The following FBRSL1 variants were observed in gnomAD, a reference collection of about 807,000 sequenced individuals.
FBRSL1 encodes fibrosin-1-like protein.
Under a neutral mutation model 89.6 loss-of-function variants are expected in FBRSL1, and 51 were observed. The observed-to-expected ratio is 0.57, with a 90% CI of 0.45 to 0.72. The LOEUF (loss-of-function observed/expected upper bound fraction) is 0.72, where lower values mean the gene tolerates loss of function less well. Among genes scored for constraint, FBRSL1 ranks in the 30% least tolerant of loss-of-function variants. FBRSL1 has a pLI of 0.00. For synonymous variants in FBRSL1, 779 were observed against 681.1 expected (o/e 1.14, Z -2.24); for missense variants, 1,618 against 1,451.8 (o/e 1.11, Z -1.86).
At chr12:132,544,047 G>A (rs1330096415) in intron 4 of FBRSL1, among the ~76,000 whole-genome samples, 1 of 152,206 alleles carries the variant, frequency 6.6e-6, no homozygotes. Context: ...TGGGCAGGAG[G>A]AAGGAACAGA....
At position 132,574,402 on chromosome 12, in the gene FBRSL1, G is replaced by A. The variant is rs772950753; in HGVS notation, c.1629+54G>A. 107 of 1,548,966 alleles carry A rather than the reference G, an allele frequency of 6.9e-5. No individual in the cohort carries two copies. Among genetic ancestry groups the A allele is most frequent in the Admixed American group, 2.0e-4 (10 of 50,740 alleles). ...AAGGGAGGACTCTGGTGCCCCCGGG[G>A]CGGCCTCGGGGGGCCCGTGACAGCA... On this transcript the variant is annotated intron_variant, in intron 13 of 18. Transcript: ENST00000680143.
rs558177825 is a variant in FBRSL1 at position 132,521,883 on chromosome 12, G to A, written c.490-3851G>A. On this transcript the variant is annotated intron_variant, in intron 2 of 18. Transcript: ENST00000680143. ...GCCTCTTGGGTGCTCCACTTTGGGC[G>A]GGGCCTGCGCAGGACAGTGCGTGCT... Among the ~76,000 whole-genome samples, 9 of 152,344 alleles carry A rather than the reference G, an allele frequency of 5.9e-5. No homozygotes were observed. The East Asian group carries it at 9.6e-4, about 16-fold the overall frequency.
chr12:132,549,896 G>C (rs1250712784), intron 5 of FBRSL1, among the ~76,000 whole-genome samples: 1 of 152,234 alleles, frequency 6.6e-6, no homozygotes, highest in African/African-American at 2.4e-5. Context: ...GCTGAAAGAG[G>C]GTTCTAGAAT....
chr12:132,551,678 G>A (rs1356860884), intron 5 of FBRSL1: 8 of 427,252 alleles, frequency 1.9e-5, no homozygotes, highest in Non-Finnish European at 2.4e-5. Context: ...CAGACTGACC[G>A]AGACACCTCT....
chr12:132,550,563 G>A (rs542430581), intron 5 of FBRSL1, among the ~76,000 whole-genome samples: 41 of 152,282 alleles, frequency 2.7e-4, no homozygotes, highest in Admixed American at 4.6e-4. Flanking sequence ...CAGCCTGTCC[G>A]TCTGTGTGAC....
intron 4 of FBRSL1, among the ~76,000 whole-genome samples, chr12:132,529,813 C>T (rs552074081): frequency 1.6e-4 from 24 of 150,706 alleles, no homozygotes; most frequent in Admixed American, 7.3e-4. Flanking sequence ...CTGGTTTGGC[C>T]CAGAGTCCGT....
Position 132,571,065 on chromosome 12 carries a change from T to C in FBRSL1, c.1214-3T>C. 1 of 1,342,622 alleles carries C rather than the reference T, an allele frequency of 7.4e-7. No individual in the cohort carries two copies. 83.2% of individuals were successfully genotyped at this position (1,342,622 alleles called of 1,614,324 possible). On this transcript the variant is annotated splice_polypyrimidine_tract_variant and splice_region_variant and intron_variant, in intron 8 of 18. Transcript: ENST00000680143. ...GGCTCACCGTGTTCTCTCTTGCCTC[T>C]AGATGCCAGCCTGGCGGTCTCATTC... is the stretch of plus-strand genomic sequence containing the variant.
At chr12:132,533,091 A>G (rs531303508) in intron 4 of FBRSL1, among the ~76,000 whole-genome samples, 40 of 142,510 alleles carry the variant, frequency 2.8e-4, no homozygotes, top group Admixed American at 1.3e-3. Context: ...GTCTCCTCCC[A>G]ACCCAGCCTC....
At chr12:132,538,472 G>C (rs981230542) in intron 4 of FBRSL1, among the ~76,000 whole-genome samples, 3 of 152,224 alleles carry the variant, frequency 2.0e-5, no homozygotes, top group African/African-American at 7.2e-5. Context: ...TGCACTGAGT[G>C]GGGGCCTCCA....
At chr12:132,509,065 C>T in intron 2 of FBRSL1, 1 of 1,229,202 alleles carries the variant, frequency 8.1e-7, no homozygotes, top group Non-Finnish European at 1.0e-6. Flanking sequence ...GGGAATTGGG[C>T]TGCTGGAGAA....
At chr12:132,498,953 C>T (rs760963117) in intron 1 of FBRSL1, among the ~76,000 whole-genome samples, 5 of 152,236 alleles carry the variant, frequency 3.3e-5, no homozygotes, top group South Asian at 2.1e-4. Flanking sequence ...CCCATGCTCC[C>T]GTCTGCTCAG....
chr12:132,532,191 G>A (rs2036345475), intron 4 of FBRSL1, among the ~76,000 whole-genome samples: 1 of 152,146 alleles, frequency 6.6e-6, no homozygotes, highest in South Asian at 2.1e-4. Context: ...CTGCAGGGTG[G>A]TGGTGGCAGC....
chr12:132,570,461 C>A lies in FBRSL1; in HGVS notation c.1134C>A (p.Ala378=). The A allele has an allele frequency of 6.5e-7, 1 of 1,533,600 alleles. No individual in the cohort carries two copies. The highest frequency in any genetic ancestry group is 8.7e-7 in the Non-Finnish European group (1 of 1,145,440). The allele number at this position is 1,533,600 out of a possible 1,614,324, so 95.0% of individuals were successfully genotyped here. A position where few individuals can be genotyped will look rare whatever the true frequency, so the allele number is the denominator to read the frequency against. ...RSQAQHQLHA[A]MFAAPPTLPP... is the part of the protein sequence containing the mutation. ...AGGCGCAGCACCAGCTCCACGCGGC[C>A]ATGTTTGCCGCACCCCCGACACTGC... Residue 378 remains alanine (A), a synonymous_variant, in exon 8 of 19, where the codon GCC becomes GCA. Transcript: ENST00000680143.
Position 132,531,655 on chromosome 12 carries a change from T to A in FBRSL1, c.615+3667T>A, listed in dbSNP as rs11831808. On this transcript the variant is annotated intron_variant, in intron 4 of 18. Transcript: ENST00000680143. Reference sequence around the variant, plus strand: ...GCACATGGCGTTGCGTGTTGTGCACTTGGCGTTGTGTGTTGTGCACGTGGC... The same window carrying A: ...GCACATGGCGTTGCGTGTTGTGCACATGGCGTTGTGTGTTGTGCACGTGGC... Among the ~76,000 whole-genome samples, 1,693 of 151,950 alleles carry A rather than the reference T, an allele frequency of 0.011. 37 individuals carry two copies. The East Asian group carries it at 0.11, about 10-fold the overall frequency.
chr12:132,546,210 T>G lies in FBRSL1; in HGVS notation c.616-1793T>G, dbSNP rs2037671858. Among the ~76,000 whole-genome samples, 1 of 152,250 alleles carries G rather than the reference T, an allele frequency of 6.6e-6. No individual in the cohort carries two copies. Among genetic ancestry groups the G allele is most frequent in the African/African-American group, 2.4e-5 (1 of 41,468 alleles). The stretch of plus-strand genomic sequence containing the variant: ...TGGGCAGTTCCATTTCATACTTTCC[T>G]CACCAAACACCAAGGCCCGCCCATA... On this transcript the variant is annotated intron_variant, in intron 4 of 18. Coordinates refer to ENST00000680143, the MANE Select transcript of FBRSL1 (RefSeq NM_001367871.1). This position sits in a 1 kb window ranked among gnomAD's most constrained non-coding sequence, Gnocchi z 4.0.
intron 2 of FBRSL1, among the ~76,000 whole-genome samples, chr12:132,516,999 A>C (rs746027508): frequency 1.4e-4 from 22 of 152,348 alleles, no homozygotes; most frequent in Non-Finnish European, 3.1e-4. Context: ...GAATTCTCAG[A>C]GTAATTTCTC....
rs1299623106 is a variant in FBRSL1 at position 132,521,197 on chromosome 12, G to A, written c.490-4537G>A. ...CACTGGGCCAGGAGCCATGTTCTAG[G>A]GGCTCAGCTCCTTAAGAGGAAGCGG... On this transcript the variant is annotated intron_variant, in intron 2 of 18. Transcript: ENST00000680143. 2.6e-5 allele frequency among the ~76,000 whole-genome samples: 4 copies of A among 152,234 alleles called. No individual in the cohort carries two copies. In the East Asian group the frequency reaches 7.7e-4, roughly 29 times the overall value.
chr12:132,574,657 A>G, intron 14 of FBRSL1, 93 bp downstream of exon 14: 1 of 1,432,296 alleles, frequency 7.0e-7, no homozygotes, highest in Non-Finnish European at 9.3e-7. Flanking sequence ...GTGTGTTCAC[A>G]CGCGTGTGCA....
chr12:132,520,995 C>T (rs1266681147), intron 2 of FBRSL1, among the ~76,000 whole-genome samples: 2 of 152,146 alleles, frequency 1.3e-5, no homozygotes, highest in African/African-American at 2.4e-5. Flanking sequence ...CAGCCACTCC[C>T]TCTTTGCCCT....
Sources: allele counts gnomAD v4.1 joint callset (sites outside exome capture counted in the v4.1 genomes callset), GRCh38; gene constraint gnomAD v4.1.1; non-coding constraint Gnocchi (gnomAD v3.1); transcripts MANE v1.5; gene names NCBI Gene and HGNC (gene_info 2026-07-23, HGNC 2026-07-21).